The following ARIH2 variants were observed in gnomAD, a reference collection of about 807,000 sequenced individuals.
ARIH2 encodes the protein E3 ubiquitin-protein ligase ARIH2.
ARIH2 carries 12 observed loss-of-function variants against 79.8 expected under a neutral mutation model. The observed-to-expected ratio is 0.15, with a 90% CI of 0.10 to 0.24. The LOEUF (loss-of-function observed/expected upper bound fraction) is 0.24, where lower values mean the gene tolerates loss of function less well. Among genes scored for constraint, ARIH2 ranks in the 10% least tolerant of loss-of-function variants. The pLI is 1.00. For synonymous variants in ARIH2, 224 were observed against 213.9 expected (o/e 1.05, Z -0.41); for missense variants, 301 against 618.3 (o/e 0.49, Z 5.44).
chr3:48,978,481 ATAT>A lies in ARIH2; in HGVS notation c.962-999_962-997del, dbSNP rs1200370358. Among the ~76,000 whole-genome samples, 477 of 49,320 alleles carry A rather than the reference ATAT, an allele frequency of 9.7e-3. 11 individuals are homozygous for A. In the East Asian group the frequency reaches 0.19, roughly 20 times the overall value. The allele number at this position is 49,320 out of a possible 152,430, so 32.4% of individuals were successfully genotyped here. A position where few individuals can be genotyped will look rare whatever the true frequency, so the allele number is the denominator to read the frequency against. On this transcript the variant is annotated intron_variant, in intron 11 of 15. Transcript: ENST00000356401. ...TGTGTGTGTGTATATATATATATAT[ATAT>A]TTTTTTTTTTTTTGGTAGAGACGGG...
At chr3:48,969,819 G>T (rs966454567) in intron 7 of ARIH2, among the ~76,000 whole-genome samples, 1 of 151,506 alleles carries the variant, frequency 6.6e-6, no homozygotes, top group Non-Finnish European at 1.5e-5. Context: ...TGCACATGCC[G>T]CAGGATAAAC....
At chr3:48,946,491 G>GT (rs1195537040) in intron 3 of ARIH2, among the ~76,000 whole-genome samples, 1 of 151,128 alleles carries the variant, frequency 6.6e-6, no homozygotes, top group Non-Finnish European at 1.5e-5. Context: ...GACAGAAGGT[G>GT]TTTGCTCATG....
At chr3:48,964,836 C>A in intron 4 of ARIH2, 83 bp from the exon 5 acceptor site, 2 of 1,082,118 alleles carry the variant, frequency 1.8e-6, no homozygotes, top group Non-Finnish European at 2.8e-6. Context: ...ATGCTCTAAA[C>A]ATCTTTCTCT....
At chr3:48,940,387 AAGAGAG>A (rs200771074) in intron 3 of ARIH2, among the ~76,000 whole-genome samples, 6 of 151,144 alleles carry the variant, frequency 4.0e-5, no homozygotes, top group Admixed American at 3.3e-4. Flanking sequence ...GATAGATAAA[AAGAGAG>A]AGAGAGAGCG....
intron 3 of ARIH2, among the ~76,000 whole-genome samples, chr3:48,958,057 A>G (rs1460376420): frequency 1.3e-5 from 2 of 152,156 alleles, no homozygotes; most frequent in African/African-American, 4.8e-5. Flanking sequence ...AAACTGACGT[A>G]GGTTGGAAAC....
intron 2 of ARIH2, among the ~76,000 whole-genome samples, chr3:48,925,534 T>G (rs2085457658): frequency 6.6e-6 from 1 of 152,000 alleles, no homozygotes; most frequent in South Asian, 2.1e-4. Context: ...AGTTCTGGGA[T>G]TATAGTTGTG....
At chr3:48,967,344 A>G in intron 6 of ARIH2, 69 bp downstream of exon 6, 1 of 1,502,290 alleles carries the variant, frequency 6.7e-7, no homozygotes, top group Non-Finnish European at 9.0e-7. Flanking sequence ...CTTTTCATGT[A>G]CTCAAGTAAA....
chr3:48,981,116 G>A (rs183388083), intron 13 of ARIH2, among the ~76,000 whole-genome samples: 12 of 150,938 alleles, frequency 8.0e-5, no homozygotes, highest in Admixed American at 7.9e-4. Flanking sequence ...CATTGCTTGA[G>A]CCCAGGAGTT....
chr3:48,923,124 G>T (rs1204762763), intron 2 of ARIH2, among the ~76,000 whole-genome samples: 2 of 151,172 alleles, frequency 1.3e-5, no homozygotes, highest in African/African-American at 4.9e-5. Context: ...GGAGAATGGC[G>T]TGAACCCGGG....
rs2084993395 is a variant in ARIH2 at position 48,922,745 on chromosome 3, T to G, written c.-161-3T>G. 1 of 152,190 alleles carries G rather than the reference T, an allele frequency of 6.6e-6. No homozygotes were observed. 9.4% of individuals were successfully genotyped at this position (152,190 alleles called of 1,614,324 possible). On this transcript the variant is annotated splice_polypyrimidine_tract_variant and splice_region_variant and intron_variant, in intron 1 of 15. Transcript: ENST00000356401. ...AATATAAATATAATTCTTTTCATTT[T>G]AGATGGAAATCATATTATGTAGAAT...
At chr3:48,958,045 G>GT in intron 3 of ARIH2, among the ~76,000 whole-genome samples, 1 of 152,246 alleles carries the variant, frequency 6.6e-6, no homozygotes, top group East Asian at 1.9e-4. Flanking sequence ...TATTCGAGGG[G>GT]TAAACTGACG....
rs866246386 is a variant in ARIH2, at chr3:48,938,939, A to C, written c.255+11126A>C. On this transcript the variant is annotated intron_variant, in intron 3 of 15. Transcript: ENST00000356401. ...AAAAAAAAAAAAAAAAAAAAAAAAA[A>C]CCAACTACATAAAAACAAAAGAAAC... Among the ~76,000 whole-genome samples, 153 of 133,836 alleles carry C rather than the reference A, an allele frequency of 1.1e-3. 1 individual carries two copies. The highest frequency in any genetic ancestry group is 2.7e-3 in the Admixed American group (35 of 13,148). The allele number at this position is 133,836 out of a possible 152,430, so 87.8% of individuals were successfully genotyped here.
Position 48,918,863 on chromosome 3 carries a change from C to A in ARIH2, c.-297C>A. On this transcript the variant is annotated 5_prime_UTR_variant, in exon 1 of 16. In the 5' UTR this introduces an upstream ATG that the reference lacks. Transcript: ENST00000356401. ...TTCCGGAGCTGTGGGGACGACTCTTCTGGAGGAAGCAGCGCGGGCTTGACC... is the reference window on the plus strand; with the variant it reads ...TTCCGGAGCTGTGGGGACGACTCTTATGGAGGAAGCAGCGCGGGCTTGACC... The A allele has an allele frequency of 6.2e-7, 1 of 1,610,560 alleles. No individual in the cohort carries two copies. The highest frequency in any genetic ancestry group is 2.2e-5 in the East Asian group (1 of 44,846).
Position 48,961,698 on chromosome 3 carries a change from G to A in ARIH2, c.323+19G>A, listed in dbSNP as rs201120422. On this transcript the variant is annotated intron_variant, in intron 4 of 15. Coordinates refer to ENST00000356401, the MANE Select transcript of ARIH2 (RefSeq NM_006321.4). The stretch of plus-strand genomic sequence containing the variant: ...TGGACAGGTAAGGTATTTGGGGGAG[G>A]AGAGAGAACATTGCCCATAGCTCCC... 11 of 1,558,160 alleles carry A rather than the reference G, an allele frequency of 7.1e-6. No homozygotes were observed. Among genetic ancestry groups the A allele is most frequent in the Non-Finnish European group, 9.7e-6 (11 of 1,129,522 alleles).
Position 48,918,873 on chromosome 3 carries a change from C to A in ARIH2, c.-287C>A. The A allele has an allele frequency of 6.2e-7, 1 of 1,609,656 alleles. No homozygotes were observed. On this transcript the variant is annotated 5_prime_UTR_variant, in exon 1 of 16. Coordinates refer to ENST00000356401, the MANE Select transcript of ARIH2 (RefSeq NM_006321.4). The stretch of plus-strand genomic sequence containing the variant: ...GTGGGGACGACTCTTCTGGAGGAAG[C>A]AGCGCGGGCTTGACCGGCGTCGGCC...
At chr3:48,965,033 G>T (rs370962686) in intron 5 of ARIH2, 51 bp downstream of exon 5, 7 of 1,559,700 alleles carry the variant, frequency 4.5e-6, no homozygotes, top group Non-Finnish European at 6.2e-6. Flanking sequence ...TGTGGTTCTT[G>T]CTTTGGCTTG....
At chr3:48,971,221 T>G (rs1379055643) in intron 8 of ARIH2, among the ~76,000 whole-genome samples, 1 of 152,146 alleles carries the variant, frequency 6.6e-6, no homozygotes, top group Non-Finnish European at 1.5e-5. Flanking sequence ...TTATCACAAC[T>G]GTATATGACC....
chr3:48,950,888 CTCTT>C (rs1195889416), intron 3 of ARIH2, among the ~76,000 whole-genome samples: 1 of 150,592 alleles, frequency 6.6e-6, no homozygotes, highest in Non-Finnish European at 1.5e-5. Flanking sequence ...ACTTTTATGG[CTCTT>C]TCTTTGAATT....
At chr3:48,937,915 C>T (rs568866836) in intron 3 of ARIH2, among the ~76,000 whole-genome samples, 3 of 151,728 alleles carry the variant, frequency 2.0e-5, no homozygotes, top group Non-Finnish European at 2.9e-5. Flanking sequence ...GTCGTAGTGG[C>T]GGGCGCCTGT....
Sources: allele counts gnomAD v4.1 joint callset (sites outside exome capture counted in the v4.1 genomes callset), GRCh38; gene constraint gnomAD v4.1.1; transcripts MANE v1.5; gene names NCBI Gene and HGNC (gene_info 2026-07-23, HGNC 2026-07-21).